The following TBC1D4 variants were observed in gnomAD, a reference collection of about 807,000 sequenced individuals.
The protein encoded by TBC1D4 is TBC1 domain family member 4, also known as TBC (Tre-2, BUB2, CDC16) domain-containing protein.
TBC1D4 carries 121 observed loss-of-function variants against 142.5 expected under a neutral mutation model. The ratio of observed to expected loss-of-function variants is 0.85; its 90% CI spans 0.73 to 0.99. TBC1D4 has a LOEUF of 0.99. TBC1D4 is among the 50% of genes least tolerant of loss of function. The probability of loss-of-function intolerance (pLI) is 0.00; values close to 1 mark genes in which losing one functional copy is unlikely to be tolerated. For missense variants in TBC1D4, 1,475 were observed against 1,606.6 expected, an observed-to-expected ratio of 0.92 and a Z score of 1.40; for synonymous variants, 630 against 628.2, an observed-to-expected ratio of 1.00 and a Z score of -0.04.
chr13:75,296,757 T>G (rs1875970470), intron 17 of TBC1D4, among the ~76,000 whole-genome samples: 1 of 151,796 alleles, frequency 6.6e-6, no homozygotes, highest in African/African-American at 2.4e-5. Flanking sequence ...GGAAAAGATA[T>G]AATGTCTTTA....
chr13:75,321,039 C>CAA (rs760227205), intron 11 of TBC1D4, among the ~76,000 whole-genome samples: 2 of 123,370 alleles, frequency 1.6e-5, no homozygotes, highest in Non-Finnish European at 3.5e-5. Context: ...GACTCCATCT[C>CAA]AAAAAAAAAA....
intron 1 of TBC1D4, among the ~76,000 whole-genome samples, chr13:75,449,710 C>T (rs1887453136): frequency 6.6e-6 from 1 of 151,742 alleles, no homozygotes; most frequent in African/African-American, 2.4e-5. Flanking sequence ...CTTAGCCTCC[C>T]GAGTAACTGG....
chr13:75,341,513 T>A lies in TBC1D4; in HGVS notation c.1483A>T (p.Ile495Phe). Residue 495 changes from isoleucine to phenylalanine, a missense_variant, in exon 6 of 21, where the codon ATC becomes TTC. Physicochemically the swap from Ile to Phe is conservative, Grantham distance 21. Around this residue, in one of 2 missense-constraint regions of TBC1D4, gnomAD observed 1,227 missense variants for 1,267.7 expected, o/e 0.97. Transcript: ENST00000377636. Reference protein sequence around the residue: ...SSLTDNEQADIFERVQKMKPV... With the variant: ...SSLTDNEQADFFERVQKMKPV... ...AATGTTACCTGAACTCTTTCAAAGA[T>A]GTCAGCTTGCTCATTATCTGTCAGT... 3 of 1,614,058 alleles carry A rather than the reference T, an allele frequency of 1.9e-6. No individual in the cohort carries two copies. Among genetic ancestry groups the A allele is most frequent in the Non-Finnish European group, 2.5e-6 (3 of 1,179,978 alleles).
At chr13:75,429,565 A>C (rs940537415) in intron 1 of TBC1D4, among the ~76,000 whole-genome samples, 1 of 152,230 alleles carries the variant, frequency 6.6e-6, no homozygotes, top group African/African-American at 2.4e-5. Flanking sequence ...GTCATAAAAA[A>C]AAGTTGATAA....
At chr13:75,424,089 C>G (rs1886275143) in intron 1 of TBC1D4, among the ~76,000 whole-genome samples, 1 of 151,916 alleles carries the variant, frequency 6.6e-6, no homozygotes, top group South Asian at 2.1e-4. Context: ...ACAGTGAGAC[C>G]TTATCTCTAC....
At chr13:75,462,388 A>G (rs1164526809) in intron 1 of TBC1D4, among the ~76,000 whole-genome samples, 2 of 152,190 alleles carry the variant, frequency 1.3e-5, no homozygotes, top group African/African-American at 4.8e-5. Context: ...AGCAAAGAGA[A>G]GAATGTTATA....
chr13:75,349,345 C>A, intron 4 of TBC1D4, 43 bp from the exon 5 acceptor site: 1 of 1,611,480 alleles, frequency 6.2e-7, no homozygotes, highest in Non-Finnish European at 8.5e-7. Context: ...AGTTGGCTTA[C>A]ATGGCAACAT....
intron 1 of TBC1D4, 50 bp downstream of exon 1, chr13:75,481,220 C>G (rs544001259): frequency 2.1e-5 from 33 of 1,560,088 alleles, no homozygotes; most frequent in Non-Finnish European, 2.6e-5. Flanking sequence ...CCCTGCTCCC[C>G]GATCCCCCAA....
intron 12 of TBC1D4, among the ~76,000 whole-genome samples, chr13:75,319,101 T>G (rs1374525297): frequency 6.6e-6 from 1 of 152,194 alleles, no homozygotes; most frequent in African/African-American, 2.4e-5. Context: ...GAAGTATTAT[T>G]TAAATGGTCT....
At chr13:75,324,134 G>A (rs1040502990) in intron 11 of TBC1D4, 103 bp downstream of exon 11, 3 of 1,269,344 alleles carry the variant, frequency 2.4e-6, no homozygotes, top group Admixed American at 3.5e-5. Flanking sequence ...ACAACACAGG[G>A]ATGCATAAAT....
chr13:75,392,017 T>A (rs1884516014), intron 1 of TBC1D4, among the ~76,000 whole-genome samples: 1 of 152,308 alleles, frequency 6.6e-6, no homozygotes, highest in South Asian at 2.1e-4. Context: ...TTCTCTTCCT[T>A]TCTCCCCAAC....
chr13:75,288,581 T>A (rs1018365818), intron 20 of TBC1D4, among the ~76,000 whole-genome samples: 1 of 152,096 alleles, frequency 6.6e-6, no homozygotes, highest in African/African-American at 2.4e-5. Context: ...CACTCATTTC[T>A]TCCACCAACC....
At chr13:75,421,752 C>T (rs946441722) in intron 1 of TBC1D4, among the ~76,000 whole-genome samples, 41 of 152,078 alleles carry the variant, frequency 2.7e-4, no homozygotes, top group African/African-American at 8.0e-4. Context: ...TTAAAAATAA[C>T]GAAGTACTTT....
intron 14 of TBC1D4, among the ~76,000 whole-genome samples, chr13:75,307,360 T>C (rs1877288027): frequency 6.6e-6 from 1 of 152,232 alleles, no homozygotes; most frequent in Non-Finnish European, 1.5e-5. Flanking sequence ...CTCTCTAATT[T>C]GATGGTCTAA....
chr13:75,454,003 A>G (rs1329317730), intron 1 of TBC1D4, among the ~76,000 whole-genome samples: 1 of 150,902 alleles, frequency 6.6e-6, no homozygotes, highest in Non-Finnish European at 1.5e-5. Context: ...ATTTCTAATA[A>G]TCCATCCTGT....
At chr13:75,479,281 A>G (rs927936309) in intron 1 of TBC1D4, among the ~76,000 whole-genome samples, 1 of 152,206 alleles carries the variant, frequency 6.6e-6, no homozygotes, top group African/African-American at 2.4e-5. Flanking sequence ...AGTAATTCAT[A>G]TCTTTAGATC....
intron 13 of TBC1D4, among the ~76,000 whole-genome samples, chr13:75,310,412 G>A (rs766798962): frequency 6.6e-6 from 1 of 152,092 alleles, no homozygotes; most frequent in Non-Finnish European, 1.5e-5. Context: ...TGTAAGAGAG[G>A]TGCCCCAAAA....
rs539882249 is a variant in TBC1D4, at chr13:75,368,462, T to C, written c.499-5855A>G. Among the ~76,000 whole-genome samples, 4 of 143,908 alleles carry C rather than the reference T, an allele frequency of 2.8e-5. No homozygotes were observed. In the East Asian group the frequency reaches 7.8e-4, roughly 28 times the overall value. The allele number at this position is 143,908 out of a possible 152,430, so 94.4% of individuals were successfully genotyped here. On this transcript the variant is annotated intron_variant, in intron 1 of 20. Coordinates refer to ENST00000377636, the MANE Select transcript of TBC1D4 (RefSeq NM_014832.5). ...ACCAGGCTTTAGTTCTTAGATATTC[T>C]TGGCAACTTTGCTCCAAACCCATTT...
chr13:75,420,137 G>C (rs982396570), intron 1 of TBC1D4, among the ~76,000 whole-genome samples: 1 of 152,196 alleles, frequency 6.6e-6, no homozygotes, highest in Non-Finnish European at 1.5e-5. Flanking sequence ...CTGGATCCAG[G>C]AAACTCCTCA....
Sources: gnomAD v4.1 joint callset for allele counts (sites outside exome capture counted in the v4.1 genomes callset) on GRCh38, gnomAD v4.1.1 for gene constraint, gnomAD v4.1.1 regional missense constraint, MANE v1.5 for transcripts, NCBI Gene and HGNC (gene_info 2026-07-23, HGNC 2026-07-21) for gene names.